ZNF749: variants seen among roughly 807,000 people sequenced by gnomAD.
ZNF749 encodes zinc finger protein 749.
A neutral mutation model predicts 7.3 loss-of-function variants in ZNF749; 8 were observed. The ratio of observed to expected loss-of-function variants is 1.10; its 90% CI spans 0.64 to 1.98. The LOEUF (loss-of-function observed/expected upper bound fraction) is 1.98, where lower values mean the gene tolerates loss of function less well. ZNF749 is among the 30% of genes most tolerant of loss of function. ZNF749 has a pLI of 0.00. For synonymous variants in ZNF749, 310 were observed against 322.4 expected (o/e 0.96, Z 0.41); for missense variants, 898 against 932.4 (o/e 0.96, Z 0.48).
chr19:57,438,135 T>C (rs1259502489), intron 1 of ZNF749: 1 of 398,970 alleles, frequency 2.5e-6, no homozygotes, highest in Non-Finnish European at 4.4e-6. Flanking sequence ...CAACTCAGTA[T>C]GCCACTGGAG....
At chr19:57,432,439 G>C (rs1055304904), upstream of ZNF749, among the ~76,000 whole-genome samples, 2 of 151,446 alleles carry the variant, frequency 1.3e-5, no homozygotes, top group Admixed American at 1.3e-4. Context: ...GCACGAGCCT[G>C]TAGTCCCAGC....
At position 57,441,936 on chromosome 19, in the gene ZNF749, G is replaced by A. The variant is rs201705170; in HGVS notation, c.67G>A (p.Gly23Arg). Reference sequence around the variant, plus strand: ...CATATATTTCTCCCAAGAGGAATGGGGGATCCTTAATGATGCTCAGAGACA... The same window carrying A: ...CATATATTTCTCCCAAGAGGAATGGAGGATCCTTAATGATGCTCAGAGACA... ...VAIYFSQEEW[G>R]ILNDAQRHLH... The change falls in exon 2 of 3, where the codon GGG (glycine) becomes AGG (arginine). Residue 23 changes from glycine to arginine, a missense_variant. Coordinates refer to ENST00000334181, the MANE Select transcript of ZNF749 (RefSeq NM_001023561.4). 11 of 1,614,144 alleles carry A rather than the reference G, an allele frequency of 6.8e-6. No individual in the cohort carries two copies. The East Asian group carries it at 1.8e-4, about 26-fold the overall frequency.
intron 2 of ZNF749, among the ~76,000 whole-genome samples, 159 bp from the exon 3 acceptor site, chr19:57,443,132 C>T (rs1289276990): frequency 6.6e-6 from 1 of 152,230 alleles, no homozygotes; most frequent in African/African-American, 2.4e-5. Context: ...TTCACAGGCC[C>T]ACCTCTGAAC....
chr19:57,440,375 G>T (rs894053459), intron 1 of ZNF749, among the ~76,000 whole-genome samples: 1 of 151,932 alleles, frequency 6.6e-6, no homozygotes, highest in Non-Finnish European at 1.5e-5. Flanking sequence ...CATTGCAAAA[G>T]GGGGAGACAG....
Position 57,439,438 on chromosome 19 carries a change from T to C in ZNF749, c.16-2447T>C, listed in dbSNP as rs1304971361. Among the ~76,000 whole-genome samples the C allele has an allele frequency of 6.6e-6, 1 of 152,158 alleles. No individual in the cohort carries two copies. Among genetic ancestry groups the C allele is most frequent in the African/African-American group, 2.4e-5 (1 of 41,420 alleles). On this transcript the variant is annotated intron_variant, in intron 1 of 2. Transcript: ENST00000334181. The surrounding 1 kb of genome is among the most constrained non-coding windows in gnomAD (Gnocchi z 4.3). The stretch of plus-strand genomic sequence containing the variant: ...AGTTCTGTAGTAGGGGGAGTGTTTA[T>C]ATAGTAGAGCATATGAGGAACCAAG...
At chr19:57,433,170 A>C (rs757837658), upstream of ZNF749, among the ~76,000 whole-genome samples, 4 of 148,300 alleles carry the variant, frequency 2.7e-5, no homozygotes, top group Admixed American at 2.0e-4. Context: ...GTTATTTAGA[A>C]GGTTGACATC....
intron 1 of ZNF749, among the ~76,000 whole-genome samples, chr19:57,438,770 CTG>C (rs1308673297): frequency 6.6e-6 from 1 of 152,196 alleles, no homozygotes; most frequent in African/African-American, 2.4e-5. Context: ...GGTCTGAAGA[CTG>C]TGGTTCCACG....
upstream of ZNF749, among the ~76,000 whole-genome samples, chr19:57,430,387 C>T (rs778358097): frequency 1.3e-5 from 2 of 152,198 alleles, no homozygotes; most frequent in Non-Finnish European, 2.9e-5. Flanking sequence ...TGATCTGAAG[C>T]CTCTTAAAGG....
At position 57,443,409 on chromosome 19, in the gene ZNF749, G is replaced by C. The variant is rs771316743; in HGVS notation, c.261G>C (p.Lys87Asn). Residue 87 changes from lysine to asparagine, a missense_variant, in exon 3 of 3, where the codon AAG (lysine) becomes AAC (asparagine). Physicochemically the swap from Lys to Asn is moderately conservative, Grantham distance 94. Coordinates refer to ENST00000334181, the MANE Select transcript of ZNF749 (RefSeq NM_001023561.4). ...ALSTLKAQPCKMCSSILKDIL... is the reference protein window; with the variant it reads ...ALSTLKAQPCNMCSSILKDIL... ...CCACCCTGAAGGCCCAGCCCTGCAA[G>C]ATGTGTAGCTCAATTCTGAAGGACA... 1.2e-6 allele frequency: 2 copies of C among 1,614,252 alleles called. No homozygotes were observed. Among genetic ancestry groups the C allele is most frequent in the East Asian group, 2.2e-5 (1 of 44,892 alleles).
rs546760120 is a variant in ZNF749, at chr19:57,435,804, G to A, written c.15+211G>A. 330 of 1,032,612 alleles carry A rather than the reference G, an allele frequency of 3.2e-4. No individual in the cohort carries two copies. The African/African-American group carries it at 5.0e-3, about 16-fold the overall frequency. The allele number at this position is 1,032,612 out of a possible 1,614,324, so 64.0% of individuals were successfully genotyped here. ...GGCTTGGAGGCACTGCAGAACGGGC[G>A]GCACTGGGGAGCCCGAGCGTCTTTG... On this transcript the variant is annotated intron_variant, in intron 1 of 2. Coordinates refer to ENST00000334181, the MANE Select transcript of ZNF749 (RefSeq NM_001023561.4).
In ZNF749 at chr19:57,435,506, G is replaced by T; in HGVS notation, c.-73G>T. ...GGCTGAGTCGGCTGCAGGCGCCCCT[G>T]CCTCCGTCAGCGTCCAGGTGACCGC... is the stretch of plus-strand genomic sequence containing the variant. On this transcript the variant is annotated 5_prime_UTR_variant, in exon 1 of 3. Coordinates refer to ENST00000334181, the MANE Select transcript of ZNF749 (RefSeq NM_001023561.4). The T allele has an allele frequency of 1.3e-6, 2 of 1,555,206 alleles. No homozygotes were observed. Among genetic ancestry groups the T allele is most frequent in the Non-Finnish European group, 1.7e-6 (2 of 1,152,834 alleles).
rs150973415 is a variant in ZNF749, at chr19:57,444,505, C to G, written c.1357C>G (p.Leu453Val). Residue 453 changes from leucine to valine, a missense_variant, in exon 3 of 3, where the codon CTA becomes GTA. Transcript: ENST00000334181. ...GAAGGCCTTTGTTAGAAAGTCCCAC[C>G]TAGTTCAGCACCAGAAAATCCACAC... ...CEKAFVRKSH[L>V]VQHQKIHTDA... 1.1e-4 allele frequency: 182 copies of G among 1,614,022 alleles called. 1 individual carries two copies. In the African/African-American group the frequency reaches 2.3e-3, roughly 21 times the overall value.
At position 57,444,534 on chromosome 19, in the gene ZNF749, T is replaced by C. The variant is rs752061724; in HGVS notation, c.1386T>C (p.Asp462=). The change falls in exon 3 of 3, where the codon GAT becomes GAC. Residue 462 remains aspartate, a synonymous_variant. Coordinates refer to ENST00000334181, the MANE Select transcript of ZNF749 (RefSeq NM_001023561.4). The part of the protein sequence containing the change: ...HLVQHQKIHT[D]AFSKRSDLIQ... ...TTCAGCACCAGAAAATCCACACTGA[T>C]GCATTTTCAAAAAGGTCTGACCTCA... The C allele has an allele frequency of 2.5e-6, 4 of 1,613,900 alleles. No homozygotes were observed. In the Admixed American group the frequency reaches 6.7e-5, roughly 27 times the overall value.
chr19:57,442,105 A>G lies in ZNF749; in HGVS notation c.142+94A>G. On this transcript the variant is annotated intron_variant, in intron 2 of 2. Coordinates refer to ENST00000334181, the MANE Select transcript of ZNF749 (RefSeq NM_001023561.4). This position sits in a 1 kb window ranked among gnomAD's most constrained non-coding sequence, Gnocchi z 6.6. Reference sequence around the variant, plus strand: ...TCTGTCTTTCCCACACCAGATTGTGAGTGCTACGTCCTGTCCTCTCCTGGT... The same window carrying G: ...TCTGTCTTTCCCACACCAGATTGTGGGTGCTACGTCCTGTCCTCTCCTGGT... 1 of 1,516,768 alleles carries G rather than the reference A, an allele frequency of 6.6e-7. No individual in the cohort carries two copies. 94.0% of individuals were successfully genotyped at this position (1,516,768 alleles called of 1,614,324 possible). A position where few individuals can be genotyped will look rare whatever the true frequency, so the allele number is the denominator to read the frequency against.
Position 57,445,476 on chromosome 19 carries a change from A to G in ZNF749, c.2328A>G (p.Lys776=). The G allele has an allele frequency of 3.1e-6, 5 of 1,608,306 alleles. No homozygotes were observed. Among genetic ancestry groups the G allele is most frequent in the Non-Finnish European group, 4.2e-6 (5 of 1,176,838 alleles). Reference sequence around the variant, plus strand: ...AACATCAGATAATTCATACTGGAAAAAGGCCTTAGTGGAGTGAATGCAGGA... The same window carrying G: ...AACATCAGATAATTCATACTGGAAAGAGGCCTTAGTGGAGTGAATGCAGGA... The part of the protein sequence containing the change: ...LIKHQIIHTG[K]RP Residue 776 remains lysine, a synonymous_variant, in exon 3 of 3, where the codon AAA becomes AAG. Coordinates refer to ENST00000334181, the MANE Select transcript of ZNF749 (RefSeq NM_001023561.4).
At position 57,443,844 on chromosome 19, in the gene ZNF749, G is replaced by A; in HGVS notation, c.696G>A (p.Leu232=). 1 of 1,613,794 alleles carries A rather than the reference G, an allele frequency of 6.2e-7. No homozygotes were observed. The highest frequency in any genetic ancestry group is 1.1e-5 in the South Asian group (1 of 91,072). ...ATGAGTTCAGTGAATGTGGGGAATT[G>A]TTTAGGTACAACTCCAACCTTATTA... ...RPYEFSECGE[L]FRYNSNLIKY... is the part of the protein sequence containing the mutation. Residue 232 remains leucine (L), a synonymous_variant, in exon 3 of 3, where the codon TTG becomes TTA. Transcript: ENST00000334181.
At position 57,444,451 on chromosome 19, in the gene ZNF749, G is replaced by C. The variant is rs1341562964; in HGVS notation, c.1303G>C (p.Glu435Gln). 2 of 1,614,076 alleles carry C rather than the reference G, an allele frequency of 1.2e-6. No homozygotes were observed. The highest frequency in any genetic ancestry group is 8.5e-7 in the Non-Finnish European group (1 of 1,179,916). The change falls in exon 3 of 3, where the codon GAA (glutamate) becomes CAA (glutamine). Residue 435 changes from glutamate to glutamine, a missense_variant. By Grantham distance (29) the Glu-to-Gln change is conservative. Coordinates refer to ENST00000334181, the MANE Select transcript of ZNF749 (RefSeq NM_001023561.4). ...TCAGCATCTGAAAATTCATACTGGA[G>C]AACGGCCTTATGAGTGCACTGAATG... Reference protein sequence around the residue: ...VVQHLKIHTGERPYECTECEK... With the variant: ...VVQHLKIHTGQRPYECTECEK...
Position 57,444,084 on chromosome 19 carries a change from T to A in ZNF749, c.936T>A (p.His312Gln). 3.7e-6 allele frequency: 6 copies of A among 1,614,014 alleles called. No homozygotes were observed. The highest frequency in any genetic ancestry group is 5.1e-6 in the Non-Finnish European group (6 of 1,179,930). ...GGAAGGCCTTTCTTACACAGGCTCATCTGGTTGGTCACCAGAAAACCCATA... is the reference window on the plus strand; with the variant it reads ...GGAAGGCCTTTCTTACACAGGCTCAACTGGTTGGTCACCAGAAAACCCATA... ...QCGKAFLTQA[H>Q]LVGHQKTHTG... Residue 312 changes from histidine to glutamine, a missense_variant, in exon 3 of 3, where the codon CAT (histidine) becomes CAA (glutamine). By Grantham distance (24) the His-to-Gln change is conservative (BLOSUM62 0). Transcript: ENST00000334181.
chr19:57,438,369 A>C, intron 1 of ZNF749: 1 of 291,578 alleles, frequency 3.4e-6, no homozygotes. Flanking sequence ...CTACCCAATA[A>C]ATGTGGAGGG....
Sources: gnomAD v4.1 joint callset for allele counts (sites outside exome capture counted in the v4.1 genomes callset) on GRCh38, gnomAD v4.1.1 for gene constraint, Gnocchi (gnomAD v3.1) non-coding constraint, MANE v1.5 for transcripts, NCBI Gene and HGNC (gene_info 2026-07-23, HGNC 2026-07-21) for gene names.